The following MEOX2 variants were observed in gnomAD, a reference collection of about 807,000 sequenced individuals.
The protein encoded by MEOX2 is homeobox protein MOX-2.
Under a neutral mutation model 27.0 loss-of-function variants are expected in MEOX2, and 11 were observed. The ratio of observed to expected loss-of-function variants is 0.41; its 90% CI spans 0.26 to 0.68. MEOX2 has a LOEUF of 0.68. Ranked by LOEUF, MEOX2 falls within the 30% of genes least tolerant of loss-of-function variation. The probability of loss-of-function intolerance (pLI) is 0.33; values close to 1 mark genes in which losing one functional copy is unlikely to be tolerated. For synonymous variants in MEOX2, 189 were observed against 155.4 expected, an observed-to-expected ratio of 1.22 and a Z score of -1.61; for missense variants, 436 against 385.4, an observed-to-expected ratio of 1.13 and a Z score of -1.10.
chr7:15,633,156 A>G (rs147920462), intron 1 of MEOX2, among the ~76,000 whole-genome samples: 2 of 151,976 alleles, frequency 1.3e-5, no homozygotes, highest in East Asian at 3.9e-4. Flanking sequence ...TTTGAGGCCA[A>G]TTCTTGTTCT....
chr7:15,685,733 C>T (rs1782368491), intron 1 of MEOX2, among the ~76,000 whole-genome samples, 153 bp downstream of exon 1: 1 of 152,228 alleles, frequency 6.6e-6, no homozygotes, highest in Admixed American at 6.5e-5. Context: ...AGGACCAAAG[C>T]TTCACCGCCG....
chr7:15,639,099 G>C (rs1489943807), intron 1 of MEOX2, among the ~76,000 whole-genome samples: 1 of 152,002 alleles, frequency 6.6e-6, no homozygotes, highest in Non-Finnish European at 1.5e-5. Context: ...CCCACCAACG[G>C]TGTAAAAGTA....
At chr7:15,642,042 A>AT (rs1305957929) in intron 1 of MEOX2, among the ~76,000 whole-genome samples, 1 of 151,598 alleles carries the variant, frequency 6.6e-6, no homozygotes, top group East Asian at 1.9e-4. Flanking sequence ...GGTCTTTAAG[A>AT]TTTTTCCTTC....
At chr7:15,666,768 AAAAAAAAAAAAATAT>A (rs1186445769) in intron 1 of MEOX2, among the ~76,000 whole-genome samples, 257 of 82,088 alleles carry the variant, frequency 3.1e-3, no homozygotes, top group East Asian at 6.2e-3. Flanking sequence ...AAAAAAAAAA[AAAAAAAAAAAAATAT>A]ATATATATAT....
At chr7:15,682,850 A>G (rs1782314685) in intron 1 of MEOX2, among the ~76,000 whole-genome samples, 1 of 151,940 alleles carries the variant, frequency 6.6e-6, no homozygotes, top group Non-Finnish European at 1.5e-5. Context: ...GACGTGGCAG[A>G]TGTTGGCTTT....
chr7:15,657,673 C>A (rs1247282846), intron 1 of MEOX2, among the ~76,000 whole-genome samples: 1 of 152,088 alleles, frequency 6.6e-6, no homozygotes, highest in Non-Finnish European at 1.5e-5. Context: ...ACATTTTTAG[C>A]CAATTATGAC....
intron 1 of MEOX2, chr7:15,677,652 G>C (rs975748394): frequency 3.3e-5 from 5 of 152,202 alleles, no homozygotes; most frequent in Non-Finnish European, 7.3e-5. Context: ...ATTCTGGTAA[G>C]AGGTCCCTGC....
At chr7:15,641,421 A>C (rs1184343400) in intron 1 of MEOX2, among the ~76,000 whole-genome samples, 1 of 152,050 alleles carries the variant, frequency 6.6e-6, no homozygotes, top group African/African-American at 2.4e-5. Context: ...TGTTTTATCA[A>C]ACACAAGAAT....
At chr7:15,639,478 T>C (rs1781528834) in intron 1 of MEOX2, among the ~76,000 whole-genome samples, 1 of 152,076 alleles carries the variant, frequency 6.6e-6, no homozygotes. Flanking sequence ...AGCTCTTTAG[T>C]TTAATAAGTC....
intron 2 of MEOX2, among the ~76,000 whole-genome samples, chr7:15,624,465 G>C (rs1214801304): frequency 2.0e-5 from 3 of 152,162 alleles, no homozygotes; most frequent in African/African-American, 7.2e-5. Flanking sequence ...CACATGGCTT[G>C]CTTTGGACAA....
chr7:15,685,749 G>T, intron 1 of MEOX2, 137 bp downstream of exon 1: 1 of 1,228,298 alleles, frequency 8.1e-7, no homozygotes, highest in Non-Finnish European at 1.1e-6. Flanking sequence ...CGCCGAATTT[G>T]GCCGCAGGAA....
chr7:15,679,517 C>G (rs1233285048), intron 1 of MEOX2: 1 of 151,990 alleles, frequency 6.6e-6, no homozygotes, highest in Non-Finnish European at 1.5e-5. Context: ...ATTGATTCTA[C>G]AAAATTTTGA....
chr7:15,680,111 T>C (rs1181223904), intron 1 of MEOX2: 3 of 151,916 alleles, frequency 2.0e-5, no homozygotes, highest in South Asian at 2.1e-4. Flanking sequence ...AAAAACCCAC[T>C]CATGACCCAT....
intron 2 of MEOX2, among the ~76,000 whole-genome samples, chr7:15,613,970 A>G (rs1169509158): frequency 1.3e-5 from 2 of 151,812 alleles, no homozygotes; most frequent in Non-Finnish European, 2.9e-5. Context: ...CTCTCAATGT[A>G]TGCTGTTTCT....
At chr7:15,663,971 T>A (rs115460052) in intron 1 of MEOX2, among the ~76,000 whole-genome samples, 1 of 152,182 alleles carries the variant, frequency 6.6e-6, no homozygotes, top group Non-Finnish European at 1.5e-5. Flanking sequence ...GATAACTGAT[T>A]TGAGAAGTTT....
intron 1 of MEOX2, among the ~76,000 whole-genome samples, chr7:15,639,901 CCA>C (rs1781533950): frequency 1.3e-5 from 2 of 151,966 alleles, no homozygotes; most frequent in African/African-American, 4.8e-5. Context: ...TGTCATATCC[CCA>C]GTTTTGTTTG....
At chr7:15,685,791 T>C (rs2115400919) in intron 1 of MEOX2, 95 bp downstream of exon 1, 10 of 1,475,408 alleles carry the variant, frequency 6.8e-6, no homozygotes, top group Non-Finnish European at 7.2e-6. Context: ...CCATCTTCCC[T>C]GCTGCCACCC....
intron 1 of MEOX2, among the ~76,000 whole-genome samples, chr7:15,665,072 C>T (rs925348542): frequency 6.6e-6 from 1 of 151,088 alleles, no homozygotes; most frequent in South Asian, 2.1e-4. Context: ...CACACACACA[C>T]ACACACACAC....
chr7:15,682,028 A>G (rs924423821), intron 1 of MEOX2: 3 of 151,838 alleles, frequency 2.0e-5, no homozygotes, highest in Non-Finnish European at 4.4e-5. Flanking sequence ...ATCACATTTT[A>G]GAGCCCTCAT....
Sources: allele counts gnomAD v4.1 joint callset (sites outside exome capture counted in the v4.1 genomes callset), GRCh38; gene constraint gnomAD v4.1.1; transcripts MANE v1.5; gene names NCBI Gene and HGNC (gene_info 2026-07-23, HGNC 2026-07-21).